NRG3: variants seen among roughly 807,000 people sequenced by gnomAD.
The protein encoded by NRG3 is neuregulin 3.
A neutral mutation model predicts 66.9 loss-of-function variants in NRG3; 31 were observed. The observed-to-expected ratio is 0.46, with a 90% CI of 0.35 to 0.63. The LOEUF is 0.63. Among genes scored for constraint, NRG3 ranks in the 20% least tolerant of loss-of-function variants. NRG3 has a pLI of 0.00. For synonymous variants in NRG3, 393 were observed against 359.4 expected (o/e 1.09, Z -1.06); for missense variants, 910 against 878.9 (o/e 1.04, Z -0.45).
intron 2 of NRG3, among the ~76,000 whole-genome samples, chr10:82,652,049 C>CG (rs2051457427): frequency 6.6e-6 from 1 of 152,144 alleles, no homozygotes. Context: ...GCTGCTTTGG[C>CG]ACCAGCAGGG....
intron 1 of NRG3, among the ~76,000 whole-genome samples, chr10:82,300,022 G>A (rs1469905558): frequency 6.6e-6 from 1 of 151,974 alleles, no homozygotes; most frequent in Non-Finnish European, 1.5e-5. Context: ...GAGTACACGT[G>A]TACACGCACA....
intron 1 of NRG3, among the ~76,000 whole-genome samples, chr10:82,165,603 A>G (rs946610570): frequency 6.6e-6 from 1 of 152,026 alleles, no homozygotes; most frequent in Non-Finnish European, 1.5e-5. Flanking sequence ...AACTCTAAAT[A>G]CATATAGAAT....
At chr10:82,484,253 G>T (rs1349054197) in intron 2 of NRG3, among the ~76,000 whole-genome samples, 2 of 152,132 alleles carry the variant, frequency 1.3e-5, no homozygotes, top group East Asian at 1.9e-4. Flanking sequence ...TGGGTGAGAC[G>T]TTAAGTTTCA....
At position 82,784,196 on chromosome 10, in the gene NRG3, C is replaced by T. The variant is rs28786127; in HGVS notation, c.1027+45546C>T. Reference sequence around the variant, plus strand: ...CTGGATCCCTTTCTTACACCTTATACAAAAATGAATTCAAGATGGATTAAA... The same window carrying T: ...CTGGATCCCTTTCTTACACCTTATATAAAAATGAATTCAAGATGGATTAAA... On this transcript the variant is annotated intron_variant, in intron 3 of 8. Transcript: ENST00000372141. Among the ~76,000 whole-genome samples, 555 of 152,192 alleles carry T rather than the reference C, an allele frequency of 3.6e-3. 1 individual carries two copies. The highest frequency in any genetic ancestry group is 5.6e-3 in the Non-Finnish European group (381 of 68,000).
At chr10:82,407,686 T>C (rs957064291) in intron 2 of NRG3, among the ~76,000 whole-genome samples, 3 of 152,152 alleles carry the variant, frequency 2.0e-5, no homozygotes, top group Admixed American at 2.0e-4. Flanking sequence ...TACTGAACGC[T>C]CACTCTGCCA....
rs578239593 is a variant in NRG3, at chr10:82,671,982, G to A, written c.954-66595G>A. ...ATCCATCCTATATTTAAATGGTTATGTTTCCCAAGTTTCGGGCCTGAACTC... is the reference window on the plus strand; with the variant it reads ...ATCCATCCTATATTTAAATGGTTATATTTCCCAAGTTTCGGGCCTGAACTC... On this transcript the variant is annotated intron_variant, in intron 2 of 8. Coordinates refer to ENST00000372141, the MANE Select transcript of NRG3 (RefSeq NM_001010848.4). Among the ~76,000 whole-genome samples, 3 of 152,286 alleles carry A rather than the reference G, an allele frequency of 2.0e-5. No individual in the cohort carries two copies. The East Asian group carries it at 5.8e-4, about 29-fold the overall frequency.
At position 81,923,871 on chromosome 10, in the gene NRG3, G is replaced by A. The variant is rs1846506047; in HGVS notation, c.823+47708G>A. On this transcript the variant is annotated intron_variant, in intron 1 of 8. Coordinates refer to ENST00000372141, the MANE Select transcript of NRG3 (RefSeq NM_001010848.4). ...TTTTCCACCTACTCTGCTAGCAGAG[G>A]CCTTTGCCCTCAGGTGGCATGGGGA... Among the ~76,000 whole-genome samples the A allele has an allele frequency of 1.3e-5, 2 of 152,186 alleles. 1 individual carries two copies. The highest frequency in any genetic ancestry group is 4.1e-4 in the South Asian group (2 of 4,836).
intron 3 of NRG3, among the ~76,000 whole-genome samples, chr10:82,767,687 T>C (rs1448064749): frequency 6.6e-6 from 1 of 152,096 alleles, no homozygotes; most frequent in African/African-American, 2.4e-5. Flanking sequence ...GAAATGTTCA[T>C]ATATTCCTAG....
chr10:82,740,724 C>A (rs1164366015), intron 3 of NRG3, among the ~76,000 whole-genome samples: 1 of 146,208 alleles, frequency 6.8e-6, no homozygotes, highest in Admixed American at 7.0e-5. Flanking sequence ...CCTCTGGAGG[C>A]TGAGAGAGGA....
At chr10:82,030,146 G>A (rs145342181) in intron 1 of NRG3, among the ~76,000 whole-genome samples, 152 of 152,186 alleles carry the variant, frequency 1.0e-3, no homozygotes, top group African/African-American at 3.5e-3. Context: ...TTTGGCTTGA[G>A]GCTGATCATT....
At chr10:82,452,674 T>A (rs2091073691) in intron 2 of NRG3, among the ~76,000 whole-genome samples, 1 of 152,116 alleles carries the variant, frequency 6.6e-6, no homozygotes, top group Non-Finnish European at 1.5e-5. Flanking sequence ...TTTCCTTTTT[T>A]TTTTCTTGCC....
In NRG3 at chr10:82,961,078, T is replaced by C. The variant is rs146506288; in HGVS notation, c.1284+2003T>C. Among the ~76,000 whole-genome samples, 584 of 152,282 alleles carry C rather than the reference T, an allele frequency of 3.8e-3. 5 individuals are homozygous for C. Among genetic ancestry groups the C allele is most frequent in the African/African-American group, 0.014 (564 of 41,554 alleles). On this transcript the variant is annotated intron_variant, in intron 6 of 8. Transcript: ENST00000372141. Reference sequence around the variant, plus strand: ...CATTCAGTGGATTTGCAGAATACAATATCAGCACCAAAAGTTAGTTGAATT... The same window carrying C: ...CATTCAGTGGATTTGCAGAATACAACATCAGCACCAAAAGTTAGTTGAATT...
At chr10:82,866,181 A>G (rs1241544498) in intron 4 of NRG3, among the ~76,000 whole-genome samples, 1 of 152,182 alleles carries the variant, frequency 6.6e-6, no homozygotes, top group East Asian at 1.9e-4. Flanking sequence ...AGTTAGGGAA[A>G]TTGAGAAGAT....
At chr10:82,375,485 T>C (rs1056631234) in intron 2 of NRG3, among the ~76,000 whole-genome samples, 5 of 148,722 alleles carry the variant, frequency 3.4e-5, no homozygotes, top group African/African-American at 1.0e-4. Context: ...TGCAGTGAGC[T>C]GAGATCGTGC....
chr10:82,774,174 T>C lies in NRG3; in HGVS notation c.1027+35524T>C, dbSNP rs60422849. ...TTTTTTGCTGTGTTGCTGAATTAGT[T>C]TTGCTAGTGTTTTATTGAGTATTTT... On this transcript the variant is annotated intron_variant, in intron 3 of 8. Coordinates refer to ENST00000372141, the MANE Select transcript of NRG3 (RefSeq NM_001010848.4). 3.0e-3 allele frequency among the ~76,000 whole-genome samples: 464 copies of C among 152,292 alleles called. 4 individuals carry two copies. The highest frequency in any genetic ancestry group is 0.011 in the African/African-American group (453 of 41,580).
chr10:82,134,578 G>A (rs1261210137), intron 1 of NRG3, among the ~76,000 whole-genome samples: 2 of 151,946 alleles, frequency 1.3e-5, no homozygotes, highest in Non-Finnish European at 2.9e-5. Flanking sequence ...TAAATGTGTT[G>A]CCTTATTTCT....
chr10:82,536,142 G>C (rs11194921), intron 2 of NRG3, among the ~76,000 whole-genome samples: 8,915 of 152,088 alleles, frequency 0.059, 578 homozygotes, highest in East Asian at 0.16. Flanking sequence ...TCTAATAATT[G>C]ATCAGCCTTT....
At chr10:82,370,967 C>T (rs1322449888) in intron 2 of NRG3, among the ~76,000 whole-genome samples, 1 of 152,078 alleles carries the variant, frequency 6.6e-6, no homozygotes, top group Non-Finnish European at 1.5e-5. Context: ...CACACACACA[C>T]ACACACACAT....
intron 1 of NRG3, among the ~76,000 whole-genome samples, chr10:82,115,451 T>C (rs923229291): frequency 5.9e-5 from 9 of 152,190 alleles, no homozygotes; most frequent in Non-Finnish European, 8.8e-5. Flanking sequence ...TACTTTGTAC[T>C]GTTTTTAAGG....
Sources: gnomAD v4.1 joint callset for allele counts (sites outside exome capture counted in the v4.1 genomes callset) on GRCh38, gnomAD v4.1.1 for gene constraint, MANE v1.5 for transcripts, NCBI Gene and HGNC (gene_info 2026-07-23, HGNC 2026-07-21) for gene names.